The following CHRNA7 variants were observed in gnomAD, a reference collection of about 807,000 sequenced individuals.
The protein encoded by CHRNA7 is neuronal acetylcholine receptor subunit alpha-7.
In CHRNA7, 17 loss-of-function variants were observed where a neutral mutation model predicts 48.0. The ratio of observed to expected loss-of-function variants is 0.35; its 90% CI spans 0.24 to 0.53. The LOEUF (loss-of-function observed/expected upper bound fraction) is 0.53. CHRNA7 is among the 20% of genes least tolerant of loss of function. The pLI, the probability that CHRNA7 is intolerant of heterozygous loss-of-function variation, is 0.92. For synonymous variants in CHRNA7, 75 were observed against 242.3 expected (o/e 0.31, Z 6.41); for missense variants, 155 against 577.7 (o/e 0.27, Z 7.50).
intron 3 of CHRNA7, among the ~76,000 whole-genome samples, chr15:32,103,598 A>G (rs1476874838): frequency 6.6e-6 from 1 of 151,934 alleles, no homozygotes; most frequent in Non-Finnish European, 1.5e-5. Context: ...CTTGCCACCT[A>G]CTCTAGCTTC....
At chr15:32,081,155 TGG>T (rs1439784396) in intron 2 of CHRNA7, among the ~76,000 whole-genome samples, 3 of 152,008 alleles carry the variant, frequency 2.0e-5, no homozygotes, top group Admixed American at 6.6e-5. Context: ...GTCCTGGCAG[TGG>T]GAGAGCATCA....
chr15:32,057,190 T>G (rs1179527756), intron 2 of CHRNA7, among the ~76,000 whole-genome samples: 1 of 152,242 alleles, frequency 6.6e-6, no homozygotes, highest in African/African-American at 2.4e-5. Context: ...GTTGCCTTTG[T>G]TAAGTAGGAA....
chr15:32,122,887 C>CAAAAAAAAAA (rs61151556), intron 4 of CHRNA7, among the ~76,000 whole-genome samples: 2 of 107,914 alleles, frequency 1.9e-5, no homozygotes, highest in African/African-American at 7.4e-5. Context: ...GCTCTCAAAG[C>CAAAAAAAAAA]AAAAAAAAAA....
chr15:32,114,038 A>ACG (rs2050813137), intron 4 of CHRNA7, among the ~76,000 whole-genome samples: 3 of 82,340 alleles, frequency 3.6e-5, no homozygotes, highest in African/African-American at 5.1e-5. Flanking sequence ...ATATATATAT[A>ACG]TATATGTATA....
rs371440428 is a variant in CHRNA7 at position 32,142,498 on chromosome 15, C to A, written c.351-11409C>A. 2.0e-4 allele frequency among the ~76,000 whole-genome samples: 31 copies of A among 152,174 alleles called. No homozygotes were observed. The East Asian group carries it at 2.9e-3, about 14-fold the overall frequency. On this transcript the variant is annotated intron_variant, in intron 4 of 9. Coordinates refer to ENST00000306901, the MANE Select transcript of CHRNA7 (RefSeq NM_000746.6). ...TGGAATAGTTTCCGAAGAAATGGTA[C>A]CGGCTCCTCTGTACCTCTGGCAGAA... is the stretch of plus-strand genomic sequence containing the variant.
chr15:32,085,698 G>T (rs2141238596), intron 2 of CHRNA7, among the ~76,000 whole-genome samples: 1 of 152,326 alleles, frequency 6.6e-6, no homozygotes, highest in African/African-American at 2.4e-5. Flanking sequence ...CTTCCAGGAG[G>T]ACACCTGATA....
chr15:32,144,613 T>C (rs142784470), intron 4 of CHRNA7, among the ~76,000 whole-genome samples: 23,469 of 152,206 alleles, frequency 0.15, 1,949 homozygotes, highest in East Asian at 0.37. Context: ...TTTGTTTGTT[T>C]CGTTTTACTG....
intron 2 of CHRNA7, among the ~76,000 whole-genome samples, chr15:32,045,530 C>G (rs141074361): frequency 1.3e-5 from 2 of 151,778 alleles, no homozygotes; most frequent in African/African-American, 2.4e-5. Flanking sequence ...AGTCTTCTCT[C>G]TCTTCAATAA....
chr15:32,137,446 A>G (rs1001478037), intron 4 of CHRNA7, among the ~76,000 whole-genome samples: 3 of 152,162 alleles, frequency 2.0e-5, no homozygotes, highest in Non-Finnish European at 2.9e-5. Context: ...TTACATGTAT[A>G]TATCTAATAA....
intron 2 of CHRNA7, among the ~76,000 whole-genome samples, chr15:32,084,227 T>A (rs1200457506): frequency 6.6e-6 from 1 of 152,204 alleles, no homozygotes; most frequent in African/African-American, 2.4e-5. Context: ...CTACAGGACT[T>A]CTTAGAATCC....
rs529405587 is a variant in CHRNA7, at chr15:32,142,651, G to C, written c.351-11256G>C. Among the ~76,000 whole-genome samples, 69 of 152,274 alleles carry C rather than the reference G, an allele frequency of 4.5e-4. No individual in the cohort carries two copies. In the South Asian group the frequency reaches 0.01, roughly 22 times the overall value. ...TTCTTCCTAGTTTAGTCTTGGGAGG[G>C]TGCATGAGTCCAGGAATTTATCCAT... On this transcript the variant is annotated intron_variant, in intron 4 of 9. Transcript: ENST00000306901.
At chr15:32,045,099 G>A (rs920861500) in intron 2 of CHRNA7, among the ~76,000 whole-genome samples, 4 of 152,052 alleles carry the variant, frequency 2.6e-5, no homozygotes, top group East Asian at 1.9e-4. Flanking sequence ...TGGTTCTTAC[G>A]ATGTTTTCTA....
chr15:32,117,696 C>T (rs540888668), intron 4 of CHRNA7, among the ~76,000 whole-genome samples: 5 of 152,228 alleles, frequency 3.3e-5, no homozygotes, highest in African/African-American at 9.6e-5. Context: ...GCCTATTCTA[C>T]GTGGGCTGCG....
At chr15:32,076,275 C>A (rs541072827) in intron 2 of CHRNA7, among the ~76,000 whole-genome samples, 1 of 152,180 alleles carries the variant, frequency 6.6e-6, no homozygotes, top group African/African-American at 2.4e-5. Flanking sequence ...ACATCTCCAG[C>A]TATAATTGTG....
intron 3 of CHRNA7, 119 bp from the exon 4 acceptor site, chr15:32,111,671 A>G: frequency 1.6e-6 from 1 of 614,212 alleles, no homozygotes; most frequent in Admixed American, 2.8e-5. Flanking sequence ...TATAAATAGC[A>G]ATTCAGTTAT....
chr15:32,151,918 G>A (rs1371439146), intron 4 of CHRNA7, among the ~76,000 whole-genome samples: 1 of 152,204 alleles, frequency 6.6e-6, no homozygotes, highest in East Asian at 1.9e-4. Flanking sequence ...CTGAGGCTCT[G>A]TAGTCATGGG....
At chr15:32,138,347 G>A (rs949237457) in intron 4 of CHRNA7, among the ~76,000 whole-genome samples, 3 of 152,048 alleles carry the variant, frequency 2.0e-5, no homozygotes, top group Non-Finnish European at 2.9e-5. Context: ...AGACCAAAAA[G>A]GGAATAGACT....
At chr15:32,097,238 G>T (rs1446427856) in intron 2 of CHRNA7, among the ~76,000 whole-genome samples, 1 of 152,142 alleles carries the variant, frequency 6.6e-6, no homozygotes, top group Non-Finnish European at 1.5e-5. Flanking sequence ...GCCCAGTTGG[G>T]GAGGGCAGGA....
chr15:32,090,256 C>G lies in CHRNA7; in HGVS notation c.196-11047C>G, dbSNP rs1370849716. On this transcript the variant is annotated intron_variant, in intron 2 of 9. Transcript: ENST00000306901. ...GCTCTGAGAAACCCTGGAGAGTAGG[C>G]TTTTTTGTGGAGAAGGCTCTGGGTG... is the stretch of plus-strand genomic sequence containing the variant. 5.3e-5 allele frequency among the ~76,000 whole-genome samples: 8 copies of G among 152,218 alleles called. No homozygotes were observed. In the East Asian group the frequency reaches 1.2e-3, roughly 22 times the overall value.
Sources: allele counts gnomAD v4.1 joint callset (sites outside exome capture counted in the v4.1 genomes callset), GRCh38; gene constraint gnomAD v4.1.1; transcripts MANE v1.5; gene names NCBI Gene and HGNC (gene_info 2026-07-23, HGNC 2026-07-21).